RBFOX1: variants seen among roughly 807,000 people sequenced by gnomAD.
RBFOX1 encodes the protein RNA binding fox-1 homolog 1, also known as RNA binding protein fox-1 homolog 1.
In RBFOX1, 8 loss-of-function variants were observed where a neutral mutation model predicts 57.7. The ratio of observed to expected loss-of-function variants is 0.14; its 90% CI spans 0.08 to 0.25. The LOEUF (loss-of-function observed/expected upper bound fraction) is 0.25, where lower values mean the gene tolerates loss of function less well. RBFOX1 is among the 10% of genes least tolerant of loss of function. The probability of loss-of-function intolerance (pLI) is 1.00; values close to 1 mark genes in which losing one functional copy is unlikely to be tolerated. For missense variants in RBFOX1, 611 were observed against 548.5 expected (o/e 1.11, Z -1.14); for synonymous variants, 326 against 222.4 (o/e 1.47, Z -4.15).
intron 4 of RBFOX1, among the ~76,000 whole-genome samples, chr16:7,246,114 A>C (rs777260273): frequency 6.6e-6 from 1 of 152,312 alleles, no homozygotes; most frequent in African/African-American, 2.4e-5. Context: ...AGTTTTTTTC[A>C]TAACTTAGTT....
At chr16:6,897,968 A>T (rs781528628) in intron 3 of RBFOX1, among the ~76,000 whole-genome samples, 1 of 152,078 alleles carries the variant, frequency 6.6e-6, no homozygotes, top group African/African-American at 2.4e-5. Flanking sequence ...TGTTATAGGT[A>T]ACTTAAGGTC....
chr16:6,961,214 A>G (rs1281128453), intron 3 of RBFOX1, among the ~76,000 whole-genome samples: 1 of 151,400 alleles, frequency 6.6e-6, no homozygotes, highest in Non-Finnish European at 1.5e-5. Flanking sequence ...TGGGATAGTA[A>G]GCTGATAGGA....
In RBFOX1 at chr16:5,424,974, C is replaced by CTTTTCT. The variant is rs747960592; in HGVS notation, c.220-42239_220-42238insTCTTTT. On this transcript the variant is annotated intron_variant, in intron 1 of 2. Coordinates refer to the RBFOX1 transcript ENST00000585867. ...TTCCTTTGTTTCTTTCTCTTTCTTT[C>CTTTTCT]TTTCTTTTCTTTTCTTTTCTTTTCT... is the stretch of plus-strand genomic sequence containing the variant. Among the ~76,000 whole-genome samples the CTTTTCT allele has an allele frequency of 1.3e-4, 9 of 70,682 alleles. 1 individual carries two copies. The highest frequency in any genetic ancestry group is 5.0e-4 in the South Asian group (1 of 2,014). 46.4% of individuals were successfully genotyped at this position (70,682 alleles called of 152,430 possible).
At chr16:6,601,456 C>T (rs1223320010) in intron 2 of RBFOX1, among the ~76,000 whole-genome samples, 1 of 152,086 alleles carries the variant, frequency 6.6e-6, no homozygotes, top group African/African-American at 2.4e-5. Context: ...ATTTACCTCT[C>T]CTCTTTGAGA....
intron 1 of RBFOX1, among the ~76,000 whole-genome samples, chr16:5,450,551 C>A (rs541315089): frequency 1.3e-5 from 2 of 152,190 alleles, no homozygotes; most frequent in Admixed American, 6.5e-5. Flanking sequence ...AGAGGTTGAG[C>A]ACATCCCTTT....
intron 4 of RBFOX1, among the ~76,000 whole-genome samples, chr16:7,496,617 C>G (rs987756170): frequency 1.3e-5 from 2 of 151,912 alleles, no homozygotes; most frequent in African/African-American, 4.8e-5. Flanking sequence ...TACTTGTCCA[C>G]ATTCAGTGGT....
At chr16:7,705,970 C>G (rs1383815440) in intron 14 of RBFOX1, among the ~76,000 whole-genome samples, 1 of 152,210 alleles carries the variant, frequency 6.6e-6, no homozygotes, top group Non-Finnish European at 1.5e-5. Context: ...GACCATATAG[C>G]TGGTCGTGTC....
intron 3 of RBFOX1, among the ~76,000 whole-genome samples, chr16:6,661,942 A>G (rs2098704045): frequency 6.6e-6 from 1 of 152,224 alleles, no homozygotes; most frequent in Non-Finnish European, 1.5e-5. Context: ...ATGGAATATT[A>G]TTTAGCCATT....
At chr16:7,390,169 G>T (rs1158757991) in intron 4 of RBFOX1, among the ~76,000 whole-genome samples, 1 of 152,134 alleles carries the variant, frequency 6.6e-6, no homozygotes, top group East Asian at 1.9e-4. Flanking sequence ...CAAAAGAACA[G>T]CAAGGGGGAT....
intron 3 of RBFOX1, among the ~76,000 whole-genome samples, chr16:6,845,044 A>G (rs1482955310): frequency 1.3e-5 from 2 of 152,004 alleles, no homozygotes; most frequent in Non-Finnish European, 2.9e-5. Flanking sequence ...TTTTTCTTGC[A>G]CATTTGCTTG....
chr16:5,717,358 A>T (rs998658629), intron 3 of RBFOX1, among the ~76,000 whole-genome samples: 5 of 152,042 alleles, frequency 3.3e-5, no homozygotes, highest in Non-Finnish European at 5.9e-5. Context: ...TTAAAAAAAA[A>T]TGTTTACTTT....
At chr16:7,241,278 T>C (rs1369394401) in intron 4 of RBFOX1, among the ~76,000 whole-genome samples, 5 of 152,154 alleles carry the variant, frequency 3.3e-5, no homozygotes, top group African/African-American at 4.8e-5. Flanking sequence ...GGCACTACTA[T>C]TTATTCTAAT....
intron 2 of RBFOX1, among the ~76,000 whole-genome samples, chr16:5,533,347 G>A (rs75949000): frequency 6.6e-6 from 1 of 152,146 alleles, no homozygotes; most frequent in Admixed American, 6.5e-5. Context: ...AAAAGGAAAG[G>A]TGCCCCCAAT....
rs150544094 is a variant in RBFOX1, at chr16:5,655,375, C to A, written c.318+56414C>A. 4.6e-5 allele frequency among the ~76,000 whole-genome samples: 7 copies of A among 152,288 alleles called. No homozygotes were observed. In the East Asian group the frequency reaches 1.2e-3, roughly 25 times the overall value. On this transcript the variant is annotated intron_variant, in intron 3 of 19. Coordinates refer to the RBFOX1 transcript ENST00000641259. ...CTGTTGCCTGAGAATGGAAAGACAT[C>A]AAGCATCACAGACTTTCTCCTGCTC... is the stretch of plus-strand genomic sequence containing the variant.
chr16:7,369,244 A>G (rs2097524986), intron 4 of RBFOX1, among the ~76,000 whole-genome samples: 1 of 150,862 alleles, frequency 6.6e-6, no homozygotes, highest in Non-Finnish European at 1.5e-5. Context: ...AAACAAACAG[A>G]AACCACGATG....
At chr16:5,507,218 A>T (rs72761049) in intron 2 of RBFOX1, among the ~76,000 whole-genome samples, 1 of 152,280 alleles carries the variant, frequency 6.6e-6, no homozygotes, top group South Asian at 2.1e-4. Flanking sequence ...AACACCAACC[A>T]CTGCGGCCAC....
At chr16:6,959,549 C>T (rs895462038) in intron 3 of RBFOX1, among the ~76,000 whole-genome samples, 2 of 152,070 alleles carry the variant, frequency 1.3e-5, no homozygotes, top group Admixed American at 6.6e-5. Flanking sequence ...ACCCAGGTCT[C>T]AGTGAGTCTG....
chr16:7,177,336 T>G (rs1385499787), intron 4 of RBFOX1, among the ~76,000 whole-genome samples: 3 of 152,158 alleles, frequency 2.0e-5, no homozygotes, highest in Non-Finnish European at 4.4e-5. Context: ...GAGCTGAGGA[T>G]GCAAGGAACA....
At chr16:7,248,657 C>A (rs970686597) in intron 4 of RBFOX1, among the ~76,000 whole-genome samples, 6 of 151,990 alleles carry the variant, frequency 3.9e-5, no homozygotes, top group African/African-American at 9.7e-5. Flanking sequence ...CTAATAGTTG[C>A]TTATAGGAAA....
Sources: allele counts gnomAD v4.1 joint callset (sites outside exome capture counted in the v4.1 genomes callset), GRCh38; gene constraint gnomAD v4.1.1; transcripts MANE v1.5; gene names NCBI Gene and HGNC (gene_info 2026-07-23, HGNC 2026-07-21).